PHF21B: variants seen among roughly 807,000 people sequenced by gnomAD.
PHF21B encodes the protein PHD finger protein 4.
In PHF21B, 22 loss-of-function variants were observed where a neutral mutation model predicts 62.2. The ratio of observed to expected loss-of-function variants is 0.35; its 90% CI spans 0.25 to 0.51. PHF21B has a LOEUF of 0.51. Ranked by LOEUF, PHF21B falls within the 20% of genes least tolerant of loss-of-function variation. The probability of loss-of-function intolerance (pLI) is 0.97; values close to 1 mark genes in which losing one functional copy is unlikely to be tolerated. For synonymous variants in PHF21B, 341 were observed against 314.7 expected (o/e 1.08, Z -0.88); for missense variants, 701 against 707.9 (o/e 0.99, Z 0.11).
intron 2 of PHF21B, among the ~76,000 whole-genome samples, chr22:44,967,689 G>GCA (rs1177080048): frequency 1.3e-5 from 2 of 152,196 alleles, no homozygotes; most frequent in African/African-American, 2.4e-5. Flanking sequence ...CCAATGTCAT[G>GCA]CACACAGTTT....
At chr22:44,995,640 CTT>C (rs909174956) in intron 2 of PHF21B, among the ~76,000 whole-genome samples, 3 of 152,182 alleles carry the variant, frequency 2.0e-5, no homozygotes, top group African/African-American at 7.2e-5. Context: ...AACACAGACT[CTT>C]TGCATCTTAG....
chr22:45,009,408 C>A lies in PHF21B; in HGVS notation c.54+88G>T, dbSNP rs1246810372. 2.2e-6 allele frequency: 3 copies of A among 1,342,458 alleles called. No homozygotes were observed. The highest frequency in any genetic ancestry group is 1.5e-5 in the African/African-American group (1 of 65,990). 83.2% of individuals were successfully genotyped at this position (1,342,458 alleles called of 1,614,324 possible). Reference sequence around the variant, plus strand: ...CTCCAGCCTGGAAGACCCAGAGACCCGGAAGAGAGGATGCTGGGCTCGGGT... The same window carrying A: ...CTCCAGCCTGGAAGACCCAGAGACCAGGAAGAGAGGATGCTGGGCTCGGGT... On this transcript the variant is annotated intron_variant, in intron 1 of 12. Coordinates refer to ENST00000313237, the MANE Select transcript of PHF21B (RefSeq NM_138415.5). The surrounding 1 kb of genome is among the most constrained non-coding windows in gnomAD (Gnocchi z 5.9).
In PHF21B at chr22:44,913,804, C is replaced by T. The variant is rs374008637; in HGVS notation, c.831+18G>A. The T allele has an allele frequency of 1.0e-4, 165 of 1,605,986 alleles. No homozygotes were observed. The highest frequency in any genetic ancestry group is 4.5e-5 in the East Asian group (2 of 44,784). ...CAGACTGAGCAGGGCCTGGGCCCTC[C>T]GGAGAGGCCTGTCCTACCTCGGGGT... On this transcript the variant is annotated intron_variant, in intron 5 of 12. Coordinates refer to ENST00000313237, the MANE Select transcript of PHF21B (RefSeq NM_138415.5).
rs542695080 is a variant in PHF21B, at chr22:44,934,222, G to A, written c.121-13732C>T. Among the ~76,000 whole-genome samples, 7 of 152,284 alleles carry A rather than the reference G, an allele frequency of 4.6e-5. No homozygotes were observed. In the South Asian group the frequency reaches 6.2e-4, roughly 14 times the overall value. On this transcript the variant is annotated intron_variant, in intron 2 of 12. Transcript: ENST00000313237. ...CACTTCCTCCTGACTCTCAGGTGCC[G>A]CTGGCCCTCACCTGCACCTCACCCA...
chr22:44,887,352 T>C (rs2070877622), intron 10 of PHF21B, among the ~76,000 whole-genome samples: 1 of 152,108 alleles, frequency 6.6e-6, no homozygotes. Flanking sequence ...TCCCAAACTA[T>C]ATAGCAGCTG....
chr22:44,918,995 G>C (rs933171419), intron 3 of PHF21B, among the ~76,000 whole-genome samples: 1 of 152,122 alleles, frequency 6.6e-6, no homozygotes, highest in Non-Finnish European at 1.5e-5. Flanking sequence ...TCAGTGCTTT[G>C]ACTCTGGTCT....
intron 5 of PHF21B, among the ~76,000 whole-genome samples, chr22:44,896,886 T>TTTTTTTTTGTTTA (rs1445815807): frequency 2.8e-5 from 4 of 143,056 alleles, no homozygotes; most frequent in Non-Finnish European, 6.1e-5. Context: ...ATCTGTTTTT[T>TTTTTTTTTGTTTA]TTTTTTTTTT....
chr22:44,984,185 C>CCATCACCACCGCCACCATCAT (rs2072901560), intron 2 of PHF21B, among the ~76,000 whole-genome samples: 1 of 146,270 alleles, frequency 6.8e-6, no homozygotes, highest in Non-Finnish European at 1.5e-5. Context: ...ATCACAACCA[C>CCATCACCACCGCCACCATCAT]CATCATCACC....
At chr22:44,946,058 C>T (rs945696479) in intron 2 of PHF21B, among the ~76,000 whole-genome samples, 4 of 152,108 alleles carry the variant, frequency 2.6e-5, no homozygotes, top group African/African-American at 4.8e-5. Context: ...AGGTGGACAC[C>T]GCCCTGGCCT....
At chr22:44,902,348 G>A (rs576489264) in intron 5 of PHF21B, 7 of 347,360 alleles carry the variant, frequency 2.0e-5, no homozygotes, top group Admixed American at 1.6e-4. Flanking sequence ...GAGTATCAAA[G>A]CTATTCCTCA....
chr22:45,009,065 C>G lies in PHF21B; in HGVS notation c.54+431G>C, dbSNP rs1477059751. On this transcript the variant is annotated intron_variant, in intron 1 of 12. Coordinates refer to ENST00000313237, the MANE Select transcript of PHF21B (RefSeq NM_138415.5). The surrounding 1 kb of genome is among the most constrained non-coding windows in gnomAD (Gnocchi z 5.9). ...AGCCCCGCTCAGGCTCCGGCCGCCA[C>G]GCCGCCGCTCGCCAGCAGCGATCGC... 1.8e-6 allele frequency: 2 copies of G among 1,108,302 alleles called. No individual in the cohort carries two copies. Among genetic ancestry groups the G allele is most frequent in the Admixed American group, 4.9e-5 (1 of 20,444 alleles). 68.7% of individuals were successfully genotyped at this position (1,108,302 alleles called of 1,614,324 possible).
intron 2 of PHF21B, among the ~76,000 whole-genome samples, chr22:44,942,654 G>A (rs763796440): frequency 1.3e-5 from 2 of 152,278 alleles, no homozygotes; most frequent in Admixed American, 6.5e-5. Flanking sequence ...CAAGGCACAC[G>A]GTCAGAGGAG....
At chr22:44,947,537 C>A (rs2072099326) in intron 2 of PHF21B, among the ~76,000 whole-genome samples, 1 of 152,216 alleles carries the variant, frequency 6.6e-6, no homozygotes, top group Admixed American at 6.5e-5. Flanking sequence ...GTGCTGGGTG[C>A]ATCTCCTGGG....
intron 2 of PHF21B, chr22:45,008,196 C>G (rs868851584): frequency 1.4e-5 from 3 of 208,580 alleles, no homozygotes; most frequent in East Asian, 1.0e-4. Flanking sequence ...CGGCCGCCCC[C>G]CTCCGCCCCC....
intron 2 of PHF21B, among the ~76,000 whole-genome samples, chr22:44,941,499 G>C (rs995349755): frequency 6.6e-6 from 1 of 152,214 alleles, no homozygotes; most frequent in African/African-American, 2.4e-5. Context: ...AGTAACAGCG[G>C]CGGAGGAGGT....
chr22:44,902,379 C>A, intron 5 of PHF21B: 1 of 348,478 alleles, frequency 2.9e-6, no homozygotes, highest in Non-Finnish European at 5.7e-6. Context: ...TACCTGAGAT[C>A]TGTGTTTGCC....
chr22:45,002,229 CATT>C (rs1464339509), intron 2 of PHF21B, among the ~76,000 whole-genome samples: 2 of 152,142 alleles, frequency 1.3e-5, no homozygotes, highest in African/African-American at 4.8e-5. Flanking sequence ...AAATATTTGT[CATT>C]ATACGTTACA....
chr22:44,988,004 G>A (rs1422081984), intron 2 of PHF21B, among the ~76,000 whole-genome samples: 1 of 152,222 alleles, frequency 6.6e-6, no homozygotes, highest in Non-Finnish European at 1.5e-5. Flanking sequence ...GTCACACAAA[G>A]AACTCAACCA....
intron 1 of PHF21B, 174 bp from the exon 2 acceptor site, chr22:45,008,784 G>C: frequency 2.6e-6 from 3 of 1,160,786 alleles, no homozygotes; most frequent in Non-Finnish European, 3.2e-6. Flanking sequence ...TGCCGCGCGG[G>C]GCCGCTTACC....
Sources: allele counts gnomAD v4.1 joint callset (sites outside exome capture counted in the v4.1 genomes callset), GRCh38; gene constraint gnomAD v4.1.1; non-coding constraint Gnocchi (gnomAD v3.1); transcripts MANE v1.5; gene names NCBI Gene and HGNC (gene_info 2026-07-23, HGNC 2026-07-21).